IL2RA: variants seen among roughly 807,000 people sequenced by gnomAD.
IL2RA encodes interleukin-2 receptor subunit alpha.
In IL2RA, 24 loss-of-function variants were observed where a neutral mutation model predicts 37.8. That is an observed-to-expected ratio of 0.63 (90% CI 0.46 to 0.89). The LOEUF is 0.89. Among genes scored for constraint, IL2RA ranks in the 40% least tolerant of loss-of-function variants. The pLI, the probability that IL2RA is intolerant of heterozygous loss-of-function variation, is 0.00. For synonymous variants in IL2RA, 125 were observed against 114.6 expected (o/e 1.09, Z -0.58); for missense variants, 319 against 348.6 (o/e 0.92, Z 0.68).
intron 1 of IL2RA, among the ~76,000 whole-genome samples, chr10:6,045,878 A>G (rs2132887137): frequency 6.6e-6 from 1 of 152,358 alleles, no homozygotes; most frequent in Non-Finnish European, 1.5e-5. Flanking sequence ...AGAGGGAAAC[A>G]GAAAAGAAGG....
At chr10:6,061,471 T>C (rs902950880) in intron 1 of IL2RA, among the ~76,000 whole-genome samples, 3 of 152,266 alleles carry the variant, frequency 2.0e-5, no homozygotes, top group Non-Finnish European at 4.4e-5. Flanking sequence ...ACATATCATG[T>C]ATATACATAG....
chr10:6,061,824 A>T (rs1466920446), intron 1 of IL2RA, among the ~76,000 whole-genome samples: 3 of 152,218 alleles, frequency 2.0e-5, no homozygotes, highest in Admixed American at 6.5e-5. Flanking sequence ...TATCCCAAAT[A>T]TCATGCCACA....
chr10:6,056,033 G>A lies in IL2RA; in HGVS notation c.64+6055C>T, dbSNP rs898146918. Among the ~76,000 whole-genome samples, 1 of 152,172 alleles carries A rather than the reference G, an allele frequency of 6.6e-6. No individual in the cohort carries two copies. The highest frequency in any genetic ancestry group is 1.5e-5 in the Non-Finnish European group (1 of 68,044). On this transcript the variant is annotated intron_variant, in intron 1 of 7. Transcript: ENST00000379959. This position sits in a 1 kb window ranked among gnomAD's most constrained non-coding sequence, Gnocchi z 5.0. ...TTTGACAGAAGCAAACCACGGAGTC[G>A]CCTTGAGATCAGTCAAAACACTGAG... is the stretch of plus-strand genomic sequence containing the variant.
In IL2RA at chr10:6,020,300, C is replaced by T. The variant is rs1839363988; in HGVS notation, c.584-359G>A. On this transcript the variant is annotated intron_variant, in intron 4 of 7. Transcript: ENST00000379959. This position sits in a 1 kb window ranked among gnomAD's most constrained non-coding sequence, Gnocchi z 5.6. Reference sequence around the variant, plus strand: ...AACCACTGGATGGAGCAGAGATGCACTAAGGGACAGCTGCTTCTGTGCCAG... The same window carrying T: ...AACCACTGGATGGAGCAGAGATGCATTAAGGGACAGCTGCTTCTGTGCCAG... 6.6e-6 allele frequency among the ~76,000 whole-genome samples: 1 copy of T among 152,116 alleles called. No homozygotes were observed. Among genetic ancestry groups the T allele is most frequent in the African/African-American group, 2.4e-5 (1 of 41,432 alleles).
At chr10:6,053,496 G>A (rs187365568) in intron 1 of IL2RA, among the ~76,000 whole-genome samples, 5 of 152,316 alleles carry the variant, frequency 3.3e-5, no homozygotes, top group South Asian at 2.1e-4. Flanking sequence ...TATCAGTATC[G>A]GAGTTGGTGC....
In IL2RA at chr10:6,057,512, A is replaced by T. The variant is rs535015057; in HGVS notation, c.64+4576T>A. 6.6e-6 allele frequency among the ~76,000 whole-genome samples: 1 copy of T among 152,254 alleles called. No individual in the cohort carries two copies. Among genetic ancestry groups the T allele is most frequent in the African/African-American group, 2.4e-5 (1 of 41,542 alleles). On this transcript the variant is annotated intron_variant, in intron 1 of 7. Coordinates refer to ENST00000379959, the MANE Select transcript of IL2RA (RefSeq NM_000417.3). The surrounding 1 kb of genome is among the most constrained non-coding windows in gnomAD (Gnocchi z 4.8). ...CCTTGACATAGAGTGAAGGAACTGG[A>T]AGGGAGTTTCAAGATCCCTGGGTGA...
In IL2RA at chr10:6,020,032, A is replaced by G; in HGVS notation, c.584-91T>C. 4 of 1,097,968 alleles carry G rather than the reference A, an allele frequency of 3.6e-6. No homozygotes were observed. Among genetic ancestry groups the G allele is most frequent in the Non-Finnish European group, 4.2e-6 (3 of 714,402 alleles). The allele number at this position is 1,097,968 out of a possible 1,614,324, so 68.0% of individuals were successfully genotyped here. A position where few individuals can be genotyped will look rare whatever the true frequency, so the allele number is the denominator to read the frequency against. ...GCCTGCCCCAGGCAGCCGGCCCCAG[A>G]CACGCCCGAGGAGGCAGGAATCCTG... On this transcript the variant is annotated intron_variant, in intron 4 of 7. Transcript: ENST00000379959. This position sits in a 1 kb window ranked among gnomAD's most constrained non-coding sequence, Gnocchi z 5.6.
intron 1 of IL2RA, among the ~76,000 whole-genome samples, chr10:6,042,175 T>G (rs1383500931): frequency 3.7e-4 from 4 of 10,682 alleles, no homozygotes; most frequent in African/African-American, 9.5e-4. Context: ...AAAATTCTGA[T>G]CAGTCAGAGT....
chr10:6,019,335 C>T, intron 6 of IL2RA, 93 bp downstream of exon 6: 1 of 937,412 alleles, frequency 1.1e-6, no homozygotes, highest in South Asian at 1.3e-5. Context: ...AACCAACCTA[C>T]CAGCCAACCA....
In IL2RA at chr10:6,044,640, C is replaced by T. The variant is rs1358041555; in HGVS notation, c.64+17448G>A. ...TTTGTCCGATGTCTGAGCCCTGCCT[C>T]GGGGGTTGAGTCCCAACTTCTACCT... On this transcript the variant is annotated intron_variant, in intron 1 of 7. Coordinates refer to ENST00000379959, the MANE Select transcript of IL2RA (RefSeq NM_000417.3). The surrounding 1 kb of genome is among the most constrained non-coding windows in gnomAD (Gnocchi z 4.5). Among the ~76,000 whole-genome samples the T allele has an allele frequency of 1.3e-5, 2 of 152,152 alleles. No homozygotes were observed. The highest frequency in any genetic ancestry group is 1.9e-4 in the East Asian group (1 of 5,200).
intron 1 of IL2RA, among the ~76,000 whole-genome samples, chr10:6,040,389 G>A (rs1053384609): frequency 2.0e-5 from 3 of 152,054 alleles, no homozygotes; most frequent in East Asian, 3.9e-4. Flanking sequence ...AGATTATAAC[G>A]GATTTCAATC....
intron 7 of IL2RA, among the ~76,000 whole-genome samples, chr10:6,017,516 A>T (rs1467700696): frequency 3.3e-5 from 5 of 151,132 alleles, no homozygotes; most frequent in Non-Finnish European, 5.9e-5. Context: ...CCTGGTGTAT[A>T]GTGGGTGCTC....
At chr10:6,051,766 G>T (rs1287820080) in intron 1 of IL2RA, among the ~76,000 whole-genome samples, 2 of 127,912 alleles carry the variant, frequency 1.6e-5, no homozygotes, top group Non-Finnish European at 3.3e-5. Context: ...TGATCTGCCC[G>T]CCTCAGCCTC....
At chr10:6,039,100 T>A (rs758687939) in intron 1 of IL2RA, among the ~76,000 whole-genome samples, 2 of 152,192 alleles carry the variant, frequency 1.3e-5, no homozygotes, top group African/African-American at 2.4e-5. Flanking sequence ...GCTTAAAGCA[T>A]AAATGCTCCA....
chr10:6,014,174 C>T lies in IL2RA; in HGVS notation c.795-1278G>A, dbSNP rs1246406196. Among the ~76,000 whole-genome samples, 1 of 152,124 alleles carries T rather than the reference C, an allele frequency of 6.6e-6. No homozygotes were observed. On this transcript the variant is annotated intron_variant, in intron 7 of 7. Coordinates refer to ENST00000379959, the MANE Select transcript of IL2RA (RefSeq NM_000417.3). This position sits in a 1 kb window ranked among gnomAD's most constrained non-coding sequence, Gnocchi z 4.4. Reference sequence around the variant, plus strand: ...CTTAAAAACCAGTTTGCAGAAGTCCCGAAAATTTAACCGCTGGCTCTCACA... The same window carrying T: ...CTTAAAAACCAGTTTGCAGAAGTCCTGAAAATTTAACCGCTGGCTCTCACA...
At position 6,012,727 on chromosome 10, in the gene IL2RA, T is replaced by A; in HGVS notation, c.*145A>T. The A allele has an allele frequency of 1.2e-6, 1 of 830,312 alleles. No homozygotes were observed. Among genetic ancestry groups the A allele is most frequent in the Non-Finnish European group, 2.1e-6 (1 of 478,740 alleles). The allele number at this position is 830,312 out of a possible 1,614,324, so 51.4% of individuals were successfully genotyped here. Reference sequence around the variant, plus strand: ...GTTGCCACTGCCCCGTGTCCTGTGATGTGACTTCAGAGCTTCCAAAACGCA... The same window carrying A: ...GTTGCCACTGCCCCGTGTCCTGTGAAGTGACTTCAGAGCTTCCAAAACGCA... On this transcript the variant is annotated 3_prime_UTR_variant, in exon 8 of 8. Transcript: ENST00000379959. The surrounding 1 kb of genome is among the most constrained non-coding windows in gnomAD (Gnocchi z 4.8).
At position 6,048,501 on chromosome 10, in the gene IL2RA, A is replaced by G. The variant is rs1189688545; in HGVS notation, c.64+13587T>C. 6.6e-6 allele frequency among the ~76,000 whole-genome samples: 1 copy of G among 152,234 alleles called. No homozygotes were observed. Among genetic ancestry groups the G allele is most frequent in the Admixed American group, 6.5e-5 (1 of 15,290 alleles). ...GCAGACTAGAAGCCCAGCAAGTCAC[A>G]TTTAGTGAGCACCTACTGTGTGCTC... On this transcript the variant is annotated intron_variant, in intron 1 of 7. Transcript: ENST00000379959. The surrounding 1 kb of genome is among the most constrained non-coding windows in gnomAD (Gnocchi z 5.3).
At chr10:6,055,208 C>A (rs566622031) in intron 1 of IL2RA, among the ~76,000 whole-genome samples, 2 of 152,296 alleles carry the variant, frequency 1.3e-5, no homozygotes, top group East Asian at 3.9e-4. Context: ...TTTCTAAATG[C>A]ATTAAAGGTT....
Position 6,033,812 on chromosome 10 carries a change from G to A in IL2RA, c.65-7787C>T, listed in dbSNP as rs1196672772. On this transcript the variant is annotated intron_variant, in intron 1 of 7. Coordinates refer to ENST00000379959, the MANE Select transcript of IL2RA (RefSeq NM_000417.3). The surrounding 1 kb of genome is among the most constrained non-coding windows in gnomAD (Gnocchi z 4.3). ...TGGGTATTGACCAGAAGGCAGAAGTGATGAAAACGTTTTTGCAGCTGTACA... is the reference window on the plus strand; with the variant it reads ...TGGGTATTGACCAGAAGGCAGAAGTAATGAAAACGTTTTTGCAGCTGTACA... Among the ~76,000 whole-genome samples, 1 of 152,242 alleles carries A rather than the reference G, an allele frequency of 6.6e-6. No homozygotes were observed. The highest frequency in any genetic ancestry group is 1.5e-5 in the Non-Finnish European group (1 of 68,042).
Sources: allele counts gnomAD v4.1 joint callset (sites outside exome capture counted in the v4.1 genomes callset), GRCh38; gene constraint gnomAD v4.1.1; non-coding constraint Gnocchi (gnomAD v3.1); transcripts MANE v1.5; gene names NCBI Gene and HGNC (gene_info 2026-07-23, HGNC 2026-07-21).